PRKAR2B: variants seen among roughly 807,000 people sequenced by gnomAD.
PRKAR2B encodes cAMP-dependent protein kinase type II-beta regulatory subunit.
PRKAR2B carries 14 observed loss-of-function variants against 49.9 expected under a neutral mutation model. The observed-to-expected ratio is 0.28, with a 90% CI of 0.19 to 0.44. The LOEUF (loss-of-function observed/expected upper bound fraction) is 0.44, where lower values mean the gene tolerates loss of function less well. Among genes scored for constraint, PRKAR2B ranks in the 20% least tolerant of loss-of-function variants. PRKAR2B has a pLI of 1.00. For synonymous variants in PRKAR2B, 196 were observed against 197.7 expected (o/e 0.99, Z 0.07); for missense variants, 393 against 537.9 (o/e 0.73, Z 2.67).
At chr7:107,146,274 T>C in intron 5 of PRKAR2B, 34 bp from the exon 6 acceptor site, 1 of 1,578,536 alleles carries the variant, frequency 6.3e-7, no homozygotes, top group East Asian at 2.2e-5. Context: ...GATATTTTAT[T>C]TGAATTAACC....
intron 5 of PRKAR2B, among the ~76,000 whole-genome samples, chr7:107,144,510 G>A (rs564044725): frequency 9.9e-5 from 15 of 151,858 alleles, no homozygotes; most frequent in Admixed American, 1.3e-4. Flanking sequence ...GCCTAGGCTC[G>A]AGTGCAGTGG....
At chr7:107,105,480 C>T (rs1037341628) in intron 2 of PRKAR2B, among the ~76,000 whole-genome samples, 1 of 152,142 alleles carries the variant, frequency 6.6e-6, no homozygotes, top group Non-Finnish European at 1.5e-5. Flanking sequence ...GGTTGTCAAT[C>T]CCAGTTATGG....
At chr7:107,073,763 A>G (rs1794332693) in intron 2 of PRKAR2B, among the ~76,000 whole-genome samples, 1 of 152,088 alleles carries the variant, frequency 6.6e-6, no homozygotes, top group Non-Finnish European at 1.5e-5. Context: ...TTATCAGTAC[A>G]TCCTTAAGAC....
intron 2 of PRKAR2B, among the ~76,000 whole-genome samples, chr7:107,104,971 C>T (rs925527384): frequency 2.6e-5 from 4 of 152,142 alleles, no homozygotes; most frequent in African/African-American, 9.7e-5. Flanking sequence ...CTCTGTTCCC[C>T]ATTTGATTTA....
Position 107,080,242 on chromosome 7 carries a change from T to C in PRKAR2B, c.343+9926T>C, listed in dbSNP as rs1024946940. On this transcript the variant is annotated intron_variant, in intron 2 of 10. Transcript: ENST00000265717. ...GGGGAGCCACAGCGTGCCCTCACTA[T>C]CTTTCAGATCCCACTGTGTGCAGGA... Among the ~76,000 whole-genome samples, 7 of 152,166 alleles carry C rather than the reference T, an allele frequency of 4.6e-5. No homozygotes were observed. The South Asian group carries it at 6.2e-4, about 14-fold the overall frequency.
intron 2 of PRKAR2B, among the ~76,000 whole-genome samples, chr7:107,086,164 G>A (rs768360945): frequency 6.6e-6 from 1 of 152,114 alleles, no homozygotes; most frequent in Non-Finnish European, 1.5e-5. Context: ...ATTTTCTTGT[G>A]TGAATTTCCT....
intron 2 of PRKAR2B, among the ~76,000 whole-genome samples, chr7:107,081,029 C>G (rs1021949307): frequency 6.6e-6 from 1 of 152,160 alleles, no homozygotes; most frequent in Admixed American, 6.5e-5. Context: ...GCAAAATAAA[C>G]TTTTATATAT....
rs1431380936 is a variant in PRKAR2B, at chr7:107,065,328, G to A, written c.308-4953G>A. 5.9e-3 allele frequency among the ~76,000 whole-genome samples: 79 copies of A among 13,374 alleles called. No individual in the cohort carries two copies. In the African/African-American group the frequency reaches 0.066, roughly 11 times the overall value. The allele number at this position is 13,374 out of a possible 152,430, so 8.8% of individuals were successfully genotyped here. On this transcript the variant is annotated intron_variant, in intron 1 of 10. Coordinates refer to ENST00000265717, the MANE Select transcript of PRKAR2B (RefSeq NM_002736.3). ...GTTTGCTCGGGGTGTGTGTATGTGT[G>A]TGTGTGTGTGTGTGTGTGTGTGTGT...
At chr7:107,049,600 T>A (rs1230069362) in intron 1 of PRKAR2B, among the ~76,000 whole-genome samples, 1 of 152,128 alleles carries the variant, frequency 6.6e-6, no homozygotes, top group African/African-American at 2.4e-5. Context: ...TGATATAAAA[T>A]CTTACAGAGT....
intron 4 of PRKAR2B, among the ~76,000 whole-genome samples, chr7:107,136,560 C>T (rs1473980720): frequency 1.3e-5 from 2 of 152,166 alleles, no homozygotes; most frequent in Admixed American, 6.5e-5. Context: ...TGAAAAGATG[C>T]TCCACATCAC....
chr7:107,078,213 A>AG (rs1794441943), intron 2 of PRKAR2B: 1 of 152,128 alleles, frequency 6.6e-6, no homozygotes. Flanking sequence ...AAAAAAAAAA[A>AG]AAAAGAAAAA....
At chr7:107,101,875 C>CTTTTTTTTTTTT (rs10589473) in intron 2 of PRKAR2B, among the ~76,000 whole-genome samples, 1 of 94,232 alleles carries the variant, frequency 1.1e-5, no homozygotes, top group Non-Finnish European at 2.0e-5. Context: ...AGCCCTGATC[C>CTTTTTTTTTTTT]TTTTTTTTTT....
chr7:107,109,114 G>A lies in PRKAR2B; in HGVS notation c.344-12838G>A, dbSNP rs982040777. Among the ~76,000 whole-genome samples the A allele has an allele frequency of 3.3e-5, 5 of 152,306 alleles. No individual in the cohort carries two copies. In the South Asian group the frequency reaches 1.0e-3, roughly 32 times the overall value. On this transcript the variant is annotated intron_variant, in intron 2 of 10. Transcript: ENST00000265717. ...AGGGGTGAGGAGTTCCCAGAACCATGTAAGGTAACCTCCAGGTCATTGCTG... is the reference window on the plus strand; with the variant it reads ...AGGGGTGAGGAGTTCCCAGAACCATATAAGGTAACCTCCAGGTCATTGCTG...
At chr7:107,129,330 A>G (rs527550891) in intron 4 of PRKAR2B, among the ~76,000 whole-genome samples, 7 of 152,276 alleles carry the variant, frequency 4.6e-5, no homozygotes, top group South Asian at 4.1e-4. Context: ...ACGAGTTTGT[A>G]TGTCCATCTC....
At chr7:107,111,721 T>G (rs1434265137) in intron 2 of PRKAR2B, among the ~76,000 whole-genome samples, 2 of 152,094 alleles carry the variant, frequency 1.3e-5, no homozygotes, top group African/African-American at 4.8e-5. Context: ...TAAACTGTCA[T>G]TTATTCAGAT....
chr7:107,101,409 T>G (rs919088736), intron 2 of PRKAR2B, among the ~76,000 whole-genome samples: 3 of 152,176 alleles, frequency 2.0e-5, no homozygotes, highest in Non-Finnish European at 2.9e-5. Context: ...AGCTAACTCA[T>G]ACCTCCTCTA....
chr7:107,114,965 T>C (rs564897285), intron 2 of PRKAR2B, among the ~76,000 whole-genome samples: 15 of 152,146 alleles, frequency 9.9e-5, no homozygotes, highest in Non-Finnish European at 2.1e-4. Flanking sequence ...ATAATGGGCT[T>C]ATAATGAATC....
intron 2 of PRKAR2B, among the ~76,000 whole-genome samples, chr7:107,083,866 C>T (rs889615509): frequency 6.6e-6 from 1 of 152,114 alleles, no homozygotes; most frequent in Non-Finnish European, 1.5e-5. Flanking sequence ...CTGCCTCAGC[C>T]TCCCAAAGTG....
At chr7:107,051,574 G>C (rs923332718) in intron 1 of PRKAR2B, among the ~76,000 whole-genome samples, 1 of 151,924 alleles carries the variant, frequency 6.6e-6, no homozygotes. Flanking sequence ...TGACTCAGAC[G>C]GTTTCATTAT....
Sources: allele counts gnomAD v4.1 joint callset (sites outside exome capture counted in the v4.1 genomes callset), GRCh38; gene constraint gnomAD v4.1.1; transcripts MANE v1.5; gene names NCBI Gene and HGNC (gene_info 2026-07-23, HGNC 2026-07-21).